Variants in DSE observed in about 807,000 individuals in gnomAD.
DSE encodes dermatan-sulfate epimerase.
A neutral mutation model predicts 84.4 loss-of-function variants in DSE; 36 were observed. The observed-to-expected ratio is 0.43, with a 90% CI of 0.33 to 0.56. DSE has a LOEUF of 0.56. DSE is among the 20% of genes least tolerant of loss of function. The pLI is 0.06. For synonymous variants in DSE, 410 were observed against 430.1 expected (o/e 0.95, Z 0.58); for missense variants, 862 against 1,169.6 (o/e 0.74, Z 3.84).
At chr6:116,371,435 C>G (rs1254275512) in intron 1 of DSE, among the ~76,000 whole-genome samples, 1 of 152,242 alleles carries the variant, frequency 6.6e-6, no homozygotes, top group African/African-American at 2.4e-5. Flanking sequence ...ACCTGGAGAT[C>G]GCATTCCGTG....
chr6:116,402,779 T>C (rs112088267), intron 2 of DSE, among the ~76,000 whole-genome samples: 3 of 152,292 alleles, frequency 2.0e-5, no homozygotes, highest in Non-Finnish European at 4.4e-5. Flanking sequence ...CTTTTTAAAA[T>C]GTATACAAGA....
chr6:116,278,606 G>A, intron 2 of DSE: 2 of 1,614,156 alleles, frequency 1.2e-6, no homozygotes, highest in South Asian at 2.2e-5. Context: ...TCACGCAACA[G>A]GTAGTATTGC....
intron 2 of DSE, among the ~76,000 whole-genome samples, chr6:116,301,711 A>T (rs1007387389): frequency 1.3e-5 from 2 of 152,058 alleles, no homozygotes; most frequent in African/African-American, 4.8e-5. Context: ...AGGTATACAC[A>T]TGCCATGGTG....
chr6:116,275,317 A>G (rs1295653777), intron 2 of DSE, among the ~76,000 whole-genome samples: 1 of 152,232 alleles, frequency 6.6e-6, no homozygotes, highest in African/African-American at 2.4e-5. Context: ...TGAAAGATTT[A>G]ATGTTGAAAG....
rs752155250 is a variant in DSE at position 116,279,877 on chromosome 6, G to A, written c.-54+20910G>A. 3.7e-6 allele frequency: 6 copies of A among 1,612,750 alleles called. No homozygotes were observed. In the East Asian group the frequency reaches 8.9e-5, roughly 24 times the overall value. On this transcript the variant is annotated intron_variant, in intron 2 of 3. Transcript: ENST00000430252. ...CGCAGGCGAACGCCCGTTTTCCTCA[G>A]AGGCCGAACTGGGAGCTAACCGCCG... is the stretch of plus-strand genomic sequence containing the variant.
At chr6:116,331,028 T>C (rs1339934856) in intron 2 of DSE, among the ~76,000 whole-genome samples, 1 of 152,208 alleles carries the variant, frequency 6.6e-6, no homozygotes, top group African/African-American at 2.4e-5. Context: ...AATTATATGA[T>C]AATTGTACTA....
At chr6:116,368,239 C>G (rs780398822), upstream of DSE, among the ~76,000 whole-genome samples, 1 of 152,086 alleles carries the variant, frequency 6.6e-6, no homozygotes, top group South Asian at 2.1e-4. Context: ...AGGCTGCTAC[C>G]CTGGGACAAC....
chr6:116,396,888 C>T (rs1194222906), intron 1 of DSE, among the ~76,000 whole-genome samples: 2 of 152,140 alleles, frequency 1.3e-5, no homozygotes, highest in Non-Finnish European at 1.5e-5. Context: ...TAACCTTACC[C>T]ACGTTTGGGG....
At chr6:116,269,042 C>A (rs1197460873) in intron 2 of DSE, among the ~76,000 whole-genome samples, 3 of 149,814 alleles carry the variant, frequency 2.0e-5, no homozygotes, top group Non-Finnish European at 4.5e-5. Flanking sequence ...AAAAAAAAAA[C>A]CTCATATGCT....
chr6:116,279,458 C>T (rs201325694), intron 2 of DSE: 1 of 1,613,252 alleles, frequency 6.2e-7, no homozygotes, highest in East Asian at 2.2e-5. Flanking sequence ...CCACCCTGAA[C>T]GCCCTTTTTC....
chr6:116,345,957 A>G (rs969784466), intron 2 of DSE, among the ~76,000 whole-genome samples: 1 of 152,226 alleles, frequency 6.6e-6, no homozygotes, highest in Non-Finnish European at 1.5e-5. Flanking sequence ...ATCCCACAGA[A>G]ATACAAACTA....
At chr6:116,340,225 CCTT>C (rs879843378) in intron 2 of DSE, among the ~76,000 whole-genome samples, 4 of 152,010 alleles carry the variant, frequency 2.6e-5, no homozygotes, top group Admixed American at 1.3e-4. Context: ...TTTTCTGTCT[CCTT>C]CTCTCTCTTG....
intron 2 of DSE, among the ~76,000 whole-genome samples, chr6:116,404,224 C>T (rs1781777294): frequency 6.6e-6 from 1 of 152,146 alleles, no homozygotes; most frequent in Non-Finnish European, 1.5e-5. Flanking sequence ...ACAAAATGTA[C>T]TCAAATAATT....
chr6:116,255,944 T>G (rs1486203459), intron 1 of DSE: 1 of 152,222 alleles, frequency 6.6e-6, no homozygotes, highest in Admixed American at 6.5e-5. Context: ...CATTCCCATC[T>G]CTAGCCTGTA....
chr6:116,346,132 C>G (rs1777951314), intron 2 of DSE, among the ~76,000 whole-genome samples: 1 of 152,084 alleles, frequency 6.6e-6, no homozygotes, highest in Admixed American at 6.6e-5. Flanking sequence ...AATTAATAGC[C>G]TACCAACCAA....
intron 2 of DSE, among the ~76,000 whole-genome samples, chr6:116,334,479 T>G (rs1777125427): frequency 6.6e-6 from 1 of 152,204 alleles, no homozygotes; most frequent in Admixed American, 6.5e-5. Context: ...GAAAATTTTC[T>G]CCCATTCTGT....
chr6:116,368,936 G>A (rs976887595), upstream of DSE, among the ~76,000 whole-genome samples: 10 of 140,948 alleles, frequency 7.1e-5, no homozygotes, highest in East Asian at 2.4e-4. Flanking sequence ...GGGCGGGGGC[G>A]GGGGGACGGG....
At chr6:116,386,049 C>T (rs866890020) in intron 1 of DSE, among the ~76,000 whole-genome samples, 2 of 152,088 alleles carry the variant, frequency 1.3e-5, no homozygotes, top group Admixed American at 6.6e-5. Flanking sequence ...CTTTGCTTAC[C>T]ATCTGTATGT....
At chr6:116,419,751 G>T (rs1469421114) in intron 2 of DSE, among the ~76,000 whole-genome samples, 1 of 152,130 alleles carries the variant, frequency 6.6e-6, no homozygotes, top group Non-Finnish European at 1.5e-5. Flanking sequence ...ACTTAAATTT[G>T]TAGTTCCATA....
Sources: gnomAD v4.1 joint callset for allele counts (sites outside exome capture counted in the v4.1 genomes callset) on GRCh38, gnomAD v4.1.1 for gene constraint, MANE v1.5 for transcripts, NCBI Gene and HGNC (gene_info 2026-07-23, HGNC 2026-07-21) for gene names.